Variants in SUPT3H observed in about 807,000 individuals in gnomAD.
SUPT3H encodes the protein transcription initiation protein SPT3 homolog.
In SUPT3H, 44 loss-of-function variants were observed where a neutral mutation model predicts 44.3. The observed-to-expected ratio is 0.99, with a 90% CI of 0.78 to 1.28. SUPT3H has a LOEUF of 1.28. Among genes scored for constraint, SUPT3H ranks in the 50% most tolerant of loss-of-function variants. SUPT3H has a pLI of 0.00. For synonymous variants in SUPT3H, 124 were observed against 125.6 expected (o/e 0.99, Z 0.09); for missense variants, 380 against 387.1 (o/e 0.98, Z 0.15).
At chr6:45,294,212 T>C (rs955273545) in intron 2 of SUPT3H, among the ~76,000 whole-genome samples, 2 of 152,098 alleles carry the variant, frequency 1.3e-5, no homozygotes, top group African/African-American at 4.8e-5. Flanking sequence ...ATACACCACA[T>C]AAACAGAATT....
intron 9 of SUPT3H, among the ~76,000 whole-genome samples, chr6:44,951,763 C>CT (rs1650382934): frequency 6.6e-6 from 1 of 152,094 alleles, no homozygotes; most frequent in Non-Finnish European, 1.5e-5. Context: ...AAGAGTTTTC[C>CT]TAGGCATGCA....
chr6:45,170,363 C>T (rs533590692), intron 2 of SUPT3H, among the ~76,000 whole-genome samples: 3 of 152,134 alleles, frequency 2.0e-5, no homozygotes, highest in African/African-American at 7.2e-5. Flanking sequence ...TTAAAACAAA[C>T]AGTAACATGA....
At chr6:45,111,093 C>T (rs1306269759) in intron 2 of SUPT3H, among the ~76,000 whole-genome samples, 3 of 148,232 alleles carry the variant, frequency 2.0e-5, no homozygotes, top group East Asian at 2.0e-4. Context: ...AGTGCAGTGG[C>T]GCGACCTTCG....
At chr6:45,133,448 A>G (rs1194487840) in intron 2 of SUPT3H, among the ~76,000 whole-genome samples, 1 of 152,190 alleles carries the variant, frequency 6.6e-6, no homozygotes, top group Non-Finnish European at 1.5e-5. Context: ...ACTGAAAATA[A>G]ACCATACCAG....
intron 10 of SUPT3H, among the ~76,000 whole-genome samples, chr6:44,865,763 T>TA (rs1278259039): frequency 6.6e-6 from 1 of 152,140 alleles, no homozygotes; most frequent in African/African-American, 2.4e-5. Flanking sequence ...AGCCAAACCA[T>TA]ACCAGGAGCC....
chr6:44,943,216 A>G (rs971976167), intron 9 of SUPT3H, among the ~76,000 whole-genome samples: 1 of 152,184 alleles, frequency 6.6e-6, no homozygotes, highest in African/African-American at 2.4e-5. Flanking sequence ...TTTTAGAAGT[A>G]TAAAATGAAA....
At chr6:45,049,177 T>TA (rs1789888169) in intron 3 of SUPT3H, among the ~76,000 whole-genome samples, 1 of 152,086 alleles carries the variant, frequency 6.6e-6, no homozygotes, top group South Asian at 2.1e-4. Context: ...AAACAATTTT[T>TA]TAAAAAATCA....
At position 45,175,220 on chromosome 6, in the gene SUPT3H, T is replaced by C. The variant is rs189461978; in HGVS notation, c.102-69214A>G. ...GCACATATAATCTTTTATTACTAGATTGAACTGCTGTATTAGTCCGTTCTC... is the reference window on the plus strand; with the variant it reads ...GCACATATAATCTTTTATTACTAGACTGAACTGCTGTATTAGTCCGTTCTC... On this transcript the variant is annotated intron_variant, in intron 2 of 10. Coordinates refer to ENST00000371459, the MANE Select transcript of SUPT3H (RefSeq NM_003599.4). Among the ~76,000 whole-genome samples the C allele has an allele frequency of 3.9e-5, 6 of 152,194 alleles. No individual in the cohort carries two copies. The East Asian group carries it at 1.2e-3, about 29-fold the overall frequency.
chr6:45,193,186 G>C (rs953539852), intron 2 of SUPT3H, among the ~76,000 whole-genome samples: 3 of 151,904 alleles, frequency 2.0e-5, no homozygotes, highest in Non-Finnish European at 4.4e-5. Flanking sequence ...TGAAACTCTC[G>C]ATTCAGAATA....
intron 2 of SUPT3H, among the ~76,000 whole-genome samples, chr6:45,332,679 A>G (rs962660598): frequency 6.6e-6 from 1 of 151,856 alleles, no homozygotes; most frequent in African/African-American, 2.4e-5. Context: ...TCACCGAAAC[A>G]GTCTACCTCT....
chr6:45,149,564 A>G (rs1337402207), intron 2 of SUPT3H, among the ~76,000 whole-genome samples: 1 of 152,182 alleles, frequency 6.6e-6, no homozygotes, highest in Non-Finnish European at 1.5e-5. Flanking sequence ...CCATTTAAAA[A>G]TTATCTCTCC....
At chr6:45,110,538 C>T (rs1051282041) in intron 2 of SUPT3H, among the ~76,000 whole-genome samples, 5 of 150,264 alleles carry the variant, frequency 3.3e-5, no homozygotes, top group East Asian at 2.0e-4. Flanking sequence ...AACAGAACCC[C>T]TTTTCAGTGC....
chr6:44,826,673 T>C (rs371454105), downstream of SUPT3H, among the ~76,000 whole-genome samples: 13 of 152,280 alleles, frequency 8.5e-5, no homozygotes, highest in East Asian at 3.9e-4. Flanking sequence ...GAGAACTACG[T>C]AAAAAAATTC....
intron 2 of SUPT3H, among the ~76,000 whole-genome samples, chr6:45,351,147 A>G (rs1791939781): frequency 6.6e-6 from 1 of 152,206 alleles, no homozygotes; most frequent in South Asian, 2.1e-4. Context: ...CCCTGCTGCC[A>G]AAATGGTTGA....
rs1375670367 is a variant in SUPT3H, at chr6:45,303,573, C to T, written c.101+61628G>A. On this transcript the variant is annotated intron_variant, in intron 2 of 10. Transcript: ENST00000371459. ...AACAACCAATTTGCTTTTTGTTTCT[C>T]GTTTCTGTTTTCTTCAGCCATTTTT... 8.0e-5 allele frequency among the ~76,000 whole-genome samples: 12 copies of T among 149,854 alleles called. No individual in the cohort carries two copies. The Admixed American group carries it at 8.0e-4, about 10-fold the overall frequency.
intron 3 of SUPT3H, among the ~76,000 whole-genome samples, chr6:45,047,133 TTA>T (rs1179012976): frequency 5.3e-5 from 8 of 152,226 alleles, no homozygotes; most frequent in African/African-American, 1.9e-4. Context: ...AGCTATATGA[TTA>T]TGTTTCCTGC....
At chr6:44,924,312 T>C (rs1769194170) in intron 10 of SUPT3H, among the ~76,000 whole-genome samples, 1 of 152,074 alleles carries the variant, frequency 6.6e-6, no homozygotes, top group South Asian at 2.1e-4. Context: ...ATTAAAAATA[T>C]ACAAAAATAA....
chr6:45,121,770 G>A (rs528817872), intron 2 of SUPT3H, among the ~76,000 whole-genome samples: 2 of 152,040 alleles, frequency 1.3e-5, no homozygotes, highest in South Asian at 4.1e-4. Context: ...CCGCCTCCCA[G>A]CTTCAAACAA....
chr6:45,012,888 G>T (rs140748657), intron 5 of SUPT3H, among the ~76,000 whole-genome samples: 2 of 152,212 alleles, frequency 1.3e-5, no homozygotes, highest in African/African-American at 4.8e-5. Flanking sequence ...TGCAGCCTCT[G>T]ATGTTGTTCT....
Sources: allele counts gnomAD v4.1 joint callset (sites outside exome capture counted in the v4.1 genomes callset), GRCh38; gene constraint gnomAD v4.1.1; transcripts MANE v1.5; gene names NCBI Gene and HGNC (gene_info 2026-07-23, HGNC 2026-07-21).